RUSC1: variants seen among roughly 807,000 people sequenced by gnomAD.
The protein encoded by RUSC1 is AP-4 complex accessory subunit RUSC1.
RUSC1 carries 40 observed loss-of-function variants against 72.1 expected under a neutral mutation model. The observed-to-expected ratio is 0.55, with a 90% CI of 0.43 to 0.72. The LOEUF is 0.72. Among genes scored for constraint, RUSC1 ranks in the 30% least tolerant of loss-of-function variants. RUSC1 has a pLI of 0.00. For synonymous variants in RUSC1, 512 were observed against 494.2 expected, an observed-to-expected ratio of 1.04 and a Z score of -0.48; for missense variants, 1,092 against 1,172.3, an observed-to-expected ratio of 0.93 and a Z score of 1.00.
At position 155,328,206 on chromosome 1, in the gene RUSC1, G is replaced by C; in HGVS notation, c.2471G>C (p.Gly824Ala). The C allele has an allele frequency of 6.2e-7, 1 of 1,613,446 alleles. No homozygotes were observed. Among genetic ancestry groups the C allele is most frequent in the Non-Finnish European group, 8.5e-7 (1 of 1,179,732 alleles). The change falls in exon 9 of 10, where the codon GGG becomes GCG. Residue 824 changes from glycine to alanine, a missense_variant. Gly to Ala is a moderately conservative substitution (Grantham distance 60). Coordinates refer to ENST00000368352, the MANE Select transcript of RUSC1 (RefSeq NM_001105203.2). The part of the protein sequence containing the change: ...TVSVLALVKR[G>A]APPEMPSPQE... Reference sequence around the variant, plus strand: ...AGTGTGTTGGCTCTTGTGAAGCGGGGGGCACCTCCCGAGATGCCTTCTCCT... The same window carrying C: ...AGTGTGTTGGCTCTTGTGAAGCGGGCGGCACCTCCCGAGATGCCTTCTCCT...
At chr1:155,323,168 C>T (rs1282605430) in intron 2 of RUSC1, 38 bp downstream of exon 2, 21 of 1,397,460 alleles carry the variant, frequency 1.5e-5, no homozygotes, top group Non-Finnish European at 1.9e-5. Context: ...GGCTGGGCTT[C>T]GGCCGCTCAC....
chr1:155,324,772 A>G (rs1651103584), intron 2 of RUSC1, 73 bp from the exon 3 acceptor site: 1 of 1,610,106 alleles, frequency 6.2e-7, no homozygotes. Flanking sequence ...GCCGGAGACA[A>G]CTTGTGCGGG....
intron 1 of RUSC1, chr1:155,321,303 T>G: frequency 7.3e-7 from 1 of 1,370,472 alleles, no homozygotes; most frequent in Non-Finnish European, 9.8e-7. Context: ...CTCCACCTCC[T>G]TTCAGGGCAT....
In RUSC1 at chr1:155,321,235, GC is replaced by G. The variant is rs1023317400; in HGVS notation, c.-87+249del. ...GGCTGCTCCATCCTTTTCCTCTCCAGCCCCCACCCCTTTCCTGCATTCACCA... is the reference window on the plus strand; with the variant it reads ...GGCTGCTCCATCCTTTTCCTCTCCAGCCCCACCCCTTTCCTGCATTCACCA... On this transcript the variant is annotated intron_variant, in intron 1 of 9. Transcript: ENST00000368352. 6 of 1,359,062 alleles carry G rather than the reference GC, an allele frequency of 4.4e-6. No homozygotes were observed. In the African/African-American group the frequency reaches 8.9e-5, roughly 20 times the overall value. The allele number at this position is 1,359,062 out of a possible 1,614,324, so 84.2% of individuals were successfully genotyped here. A position where few individuals can be genotyped will look rare whatever the true frequency, so the allele number is the denominator to read the frequency against.
chr1:155,322,912 C>T lies in RUSC1; in HGVS notation c.1139C>T (p.Ala380Val), dbSNP rs1650745514. The change falls in exon 2 of 10, where the codon GCC (alanine) becomes GTC (valine). Residue 380 changes from alanine to valine, a missense_variant. By Grantham distance (64) the Ala-to-Val change is moderately conservative. Transcript: ENST00000368352. ...TFKELRSRSR[A>V]PAPPVPPRDP... ...AAGGAACTCCGGTCCCGAAGCCGGGCCCCAGCCCCGCCAGTCCCGCCTCGA... is the reference window on the plus strand; with the variant it reads ...AAGGAACTCCGGTCCCGAAGCCGGGTCCCAGCCCCGCCAGTCCCGCCTCGA... 1.3e-6 allele frequency: 2 copies of T among 1,573,352 alleles called. No individual in the cohort carries two copies. The highest frequency in any genetic ancestry group is 1.7e-6 in the Non-Finnish European group (2 of 1,159,358).
Position 155,325,700 on chromosome 1 carries a change from C to T in RUSC1, c.1814+28C>T. ...GAGTTGCCTTCTTTCCAGTGCCCTTCCCACGACCTGGGACTGCAGGAGCGT... is the reference window on the plus strand; with the variant it reads ...GAGTTGCCTTCTTTCCAGTGCCCTTTCCACGACCTGGGACTGCAGGAGCGT... On this transcript the variant is annotated intron_variant, in intron 6 of 9. Transcript: ENST00000368352. This position sits in a 1 kb window ranked among gnomAD's most constrained non-coding sequence, Gnocchi z 6.5. 1 of 1,610,914 alleles carries T rather than the reference C, an allele frequency of 6.2e-7. No individual in the cohort carries two copies. The highest frequency in any genetic ancestry group is 8.5e-7 in the Non-Finnish European group (1 of 1,177,718).
At position 155,328,233 on chromosome 1, in the gene RUSC1, A is replaced by C; in HGVS notation, c.2498A>C (p.Gln833Pro). 6.2e-7 allele frequency: 1 copy of C among 1,613,504 alleles called. No homozygotes were observed. Residue 833 changes from glutamine (Q) to proline (P), a missense_variant, in exon 9 of 10, where the codon CAG (glutamine) becomes CCG (proline). Gln to Pro is a moderately conservative substitution (Grantham distance 76, BLOSUM62 -1). Coordinates refer to ENST00000368352, the MANE Select transcript of RUSC1 (RefSeq NM_001105203.2). ...GCACCTCCCGAGATGCCTTCTCCTCAGGAGCTTGAGGCCTCAGCACCCAGG... is the reference window on the plus strand; with the variant it reads ...GCACCTCCCGAGATGCCTTCTCCTCCGGAGCTTGAGGCCTCAGCACCCAGG... ...RGAPPEMPSPQELEASAPRMV... is the reference protein window; with the variant it reads ...RGAPPEMPSPPELEASAPRMV...
At position 155,322,130 on chromosome 1, in the gene RUSC1, C is replaced by G. The variant is rs1427828808; in HGVS notation, c.357C>G (p.Val119=). 1 of 1,607,810 alleles carries G rather than the reference C, an allele frequency of 6.2e-7. No homozygotes were observed. Among genetic ancestry groups the G allele is most frequent in the Admixed American group, 1.7e-5 (1 of 59,536 alleles). ...CSDLSPDESP[V]SVYLRDLPGD... is the part of the protein sequence containing the mutation. ...ATCTTAGCCCCGATGAGTCCCCTGT[C>G]TCAGTCTACTTGCGGGACCTCCCTG... Residue 119 remains valine (V), a synonymous_variant, in exon 2 of 10, where the codon GTC becomes GTG. Coordinates refer to ENST00000368352, the MANE Select transcript of RUSC1 (RefSeq NM_001105203.2).
At chr1:155,330,366 T>C (rs1230447355) in intron 9 of RUSC1, 37 bp from the exon 10 acceptor site, 2 of 1,610,900 alleles carry the variant, frequency 1.2e-6, no homozygotes, top group Admixed American at 3.3e-5. Context: ...CAGCCCCACC[T>C]CACCTCATCC....
In RUSC1 at chr1:155,325,132, A is replaced by G. The variant is rs142920601; in HGVS notation, c.1487A>G (p.Asp496Gly). The change falls in exon 4 of 10, where the codon GAT (aspartate) becomes GGT (glycine). Residue 496 changes from aspartate (D) to glycine (G), a missense_variant. By Grantham distance (94) the Asp-to-Gly change is moderately conservative (BLOSUM62 -1). Transcript: ENST00000368352. The surrounding 1 kb of genome is among the most constrained non-coding windows in gnomAD (Gnocchi z 6.5). ...CTGATAGCCGTCAGCGTCTCCGTTGATAAAATCATCTCGCATTTCGGGGCC... is the reference window on the plus strand; with the variant it reads ...CTGATAGCCGTCAGCGTCTCCGTTGGTAAAATCATCTCGCATTTCGGGGCC... ...GLLIAVSVSVDKIISHFGAAR... is the reference protein window; with the variant it reads ...GLLIAVSVSVGKIISHFGAAR... The G allele has an allele frequency of 6.2e-7, 1 of 1,614,058 alleles. No homozygotes were observed. Among genetic ancestry groups the G allele is most frequent in the Non-Finnish European group, 8.5e-7 (1 of 1,180,034 alleles).
chr1:155,326,132 G>T lies in RUSC1; in HGVS notation c.1861+222G>T, dbSNP rs1014595569. 4.9e-6 allele frequency: 3 copies of T among 607,148 alleles called. No individual in the cohort carries two copies. Among genetic ancestry groups the T allele is most frequent in the Non-Finnish European group, 8.7e-6 (3 of 344,530 alleles). The allele number at this position is 607,148 out of a possible 1,614,324, so 37.6% of individuals were successfully genotyped here. A position where few individuals can be genotyped will look rare whatever the true frequency, so the allele number is the denominator to read the frequency against. ...TCTGCCCTCTTCCCCTGCCTTGGAG[G>T]GTCTTGCCAACAGTCTTCCCGCCTG... is the stretch of plus-strand genomic sequence containing the variant. On this transcript the variant is annotated intron_variant, in intron 7 of 9. Transcript: ENST00000368352. The surrounding 1 kb of genome is among the most constrained non-coding windows in gnomAD (Gnocchi z 4.7).
In RUSC1 at chr1:155,326,257, AG is replaced by A; in HGVS notation, c.1862-321del. 1 of 539,806 alleles carries A rather than the reference AG, an allele frequency of 1.9e-6. No individual in the cohort carries two copies. Among genetic ancestry groups the A allele is most frequent in the Admixed American group, 3.3e-5 (1 of 30,546 alleles). The allele number at this position is 539,806 out of a possible 1,614,324, so 33.4% of individuals were successfully genotyped here. ...TCATCCTTTGAGTCCTTCCCCAGTG[AG>A]GCCCTACCTCTACCCTCGGACTAGG... is the stretch of plus-strand genomic sequence containing the variant. On this transcript the variant is annotated intron_variant, in intron 7 of 9. Coordinates refer to ENST00000368352, the MANE Select transcript of RUSC1 (RefSeq NM_001105203.2). The surrounding 1 kb of genome is among the most constrained non-coding windows in gnomAD (Gnocchi z 4.7).
chr1:155,327,329 C>A (rs191276905), intron 8 of RUSC1, among the ~76,000 whole-genome samples, 197 bp downstream of exon 8: 19 of 152,068 alleles, frequency 1.2e-4, no homozygotes, highest in African/African-American at 3.1e-4. Context: ...CTCTCTTGGC[C>A]CTAGGTCCTA....
rs1343381929 is a variant in RUSC1 at position 155,325,696 on chromosome 1, C to T, written c.1814+24C>T. ...AAGTGAGTTGCCTTCTTTCCAGTGC[C>T]CTTCCCACGACCTGGGACTGCAGGA... On this transcript the variant is annotated intron_variant, in intron 6 of 9. Transcript: ENST00000368352. This position sits in a 1 kb window ranked among gnomAD's most constrained non-coding sequence, Gnocchi z 6.5. 2 of 1,611,646 alleles carry T rather than the reference C, an allele frequency of 1.2e-6. No homozygotes were observed. Among genetic ancestry groups the T allele is most frequent in the Non-Finnish European group, 1.7e-6 (2 of 1,178,308 alleles).
chr1:155,324,966 C>G (rs1292409522), intron 3 of RUSC1, 23 bp downstream of exon 3: 1 of 1,613,966 alleles, frequency 6.2e-7, no homozygotes, highest in Non-Finnish European at 8.5e-7. Flanking sequence ...GACTCCCGAC[C>G]CCGCGCTTCC....
In RUSC1 at chr1:155,325,432, C is replaced by A; in HGVS notation, c.1650C>A (p.Leu550=). ...ADGLKPFRKD[L]ITGQRRSSPW... ...GGCTGAAGCCTTTCCGGAAGGACCT[C>A]ATCACCGGGCAGCGCAGGAGCAGCC... Residue 550 remains leucine, a synonymous_variant, in exon 5 of 10, where the codon CTC becomes CTA. Coordinates refer to ENST00000368352, the MANE Select transcript of RUSC1 (RefSeq NM_001105203.2). The surrounding 1 kb of genome is among the most constrained non-coding windows in gnomAD (Gnocchi z 6.5). The A allele has an allele frequency of 6.3e-7, 1 of 1,591,992 alleles. No homozygotes were observed. Among genetic ancestry groups the A allele is most frequent in the Non-Finnish European group, 8.5e-7 (1 of 1,173,578 alleles).
intron 9 of RUSC1, among the ~76,000 whole-genome samples, chr1:155,330,107 G>C (rs1293303918): frequency 4.6e-5 from 7 of 152,072 alleles, no homozygotes; most frequent in African/African-American, 7.2e-5. Flanking sequence ...CACTATAGGC[G>C]ACACGAGGAG....
intron 2 of RUSC1, chr1:155,324,546 T>C (rs778106605): frequency 1.5e-5 from 24 of 1,587,584 alleles, no homozygotes; most frequent in Non-Finnish European, 2.1e-5. Context: ...AGGCGGGAGG[T>C]GAGCGCGGCC....
Position 155,330,671 on chromosome 1 carries a change from C to T in RUSC1, c.*100C>T, listed in dbSNP as rs1221118904. ...GAAGCATTTTCCCTCTGCAAAATGA[C>T]GTTTCTTCCCACGTCTGTTTCTGCT... On this transcript the variant is annotated 3_prime_UTR_variant, in exon 10 of 10. Transcript: ENST00000368352. 9.4e-6 allele frequency: 11 copies of T among 1,168,294 alleles called. No homozygotes were observed. The highest frequency in any genetic ancestry group is 2.7e-5 in the East Asian group (1 of 36,728). The allele number at this position is 1,168,294 out of a possible 1,614,324, so 72.4% of individuals were successfully genotyped here. A position where few individuals can be genotyped will look rare whatever the true frequency, so the allele number is the denominator to read the frequency against.
Sources: gnomAD v4.1 joint callset for allele counts (sites outside exome capture counted in the v4.1 genomes callset) on GRCh38, gnomAD v4.1.1 for gene constraint, Gnocchi (gnomAD v3.1) non-coding constraint, MANE v1.5 for transcripts, NCBI Gene and HGNC (gene_info 2026-07-23, HGNC 2026-07-21) for gene names.